TAAR5: variants seen among roughly 807,000 people sequenced by gnomAD.
TAAR5 encodes the protein trace amine-associated receptor 5.
A neutral mutation model predicts 21.1 loss-of-function variants in TAAR5; 27 were observed. The observed-to-expected ratio is 1.28, with a 90% CI of 0.94 to 1.76. The LOEUF (loss-of-function observed/expected upper bound fraction) is 1.76, where lower values mean the gene tolerates loss of function less well. TAAR5 is among the 40% of genes most tolerant of loss of function. The pLI, the probability that TAAR5 is intolerant of heterozygous loss-of-function variation, is 0.00. For missense variants in TAAR5, 495 were observed against 405.6 expected (o/e 1.22, Z -1.89); for synonymous variants, 203 against 167.5 (o/e 1.21, Z -1.64).
At chr6:132,601,946 A>G in the TAAR5 span, among the ~76,000 whole-genome samples, 1 of 152,174 alleles carries the variant, frequency 6.6e-6, no homozygotes, top group Non-Finnish European at 1.5e-5. Flanking sequence ...TTAAGGAGAG[A>G]CTTATTTTTT....
At chr6:132,602,463 T>C in the TAAR5 span, among the ~76,000 whole-genome samples, 1 of 152,128 alleles carries the variant, frequency 6.6e-6, no homozygotes, top group East Asian at 1.9e-4. Context: ...ATAGGGTTCA[T>C]GCTCCTGTGA....
In TAAR5 at chr6:132,588,802, GT is replaced by G. The variant is rs759287127; in HGVS notation, c.884del (p.Tyr295SerfsTer22). The G allele has an allele frequency of 6.2e-7, 1 of 1,614,146 alleles. No homozygotes were observed. Among genetic ancestry groups the G allele is most frequent in the Non-Finnish European group, 8.5e-7 (1 of 1,180,000 alleles). The part of the protein sequence containing the change: ...LVFDIFIWFA[Y>X]FNSACNPIIY... ...TGATGGGGTTGCAGGCTGAGTTGAA[GT>G]AAGCAAACCAGATAAAGATGTCAAA... On this transcript the variant is annotated frameshift_variant, in exon 1 of 1. Transcript: ENST00000258034. LOFTEE classifies it high-confidence loss of function.
rs1249028648 is a variant in TAAR5, at chr6:132,588,780, T to C, written c.907A>G (p.Ile303Val). ...CACTGGTAGGAAAAGACATAGATGA[T>C]GGGGTTGCAGGCTGAGTTGAAGTAA... is the stretch of plus-strand genomic sequence containing the variant. ...FAYFNSACNP[I>V]IYVFSYQWFR... Residue 303 changes from isoleucine (I) to valine (V), a missense_variant, in exon 1 of 1, where the codon ATC becomes GTC. Transcript: ENST00000258034. The C allele has an allele frequency of 4.3e-6, 7 of 1,614,000 alleles. No individual in the cohort carries two copies. Among genetic ancestry groups the C allele is most frequent in the Admixed American group, 1.7e-5 (1 of 59,992 alleles).
At chr6:132,611,791 T>A in the TAAR5 span, among the ~76,000 whole-genome samples, 1 of 152,198 alleles carries the variant, frequency 6.6e-6, no homozygotes, top group African/African-American at 2.4e-5. Context: ...GGGAAAAGAA[T>A]GTCACACAGA....
the TAAR5 span, among the ~76,000 whole-genome samples, chr6:132,596,783 A>T: frequency 5.3e-5 from 8 of 152,330 alleles, no homozygotes; most frequent in African/African-American, 1.9e-4. Context: ...GCAGACTAGC[A>T]ATCAGAATAC....
chr6:132,607,290 C>T, the TAAR5 span, among the ~76,000 whole-genome samples: 10 of 152,098 alleles, frequency 6.6e-5, no homozygotes, highest in African/African-American at 2.4e-4. Flanking sequence ...CTTCTCCCTC[C>T]TACAACATAA....
the TAAR5 span, among the ~76,000 whole-genome samples, chr6:132,599,327 T>TC: frequency 2.7e-5 from 1 of 37,684 alleles, no homozygotes; most frequent in Non-Finnish European, 5.2e-5. Flanking sequence ...TCTTTTCTTT[T>TC]TTTTTTTTTT....
chr6:132,614,614 G>A, the TAAR5 span, among the ~76,000 whole-genome samples: 11 of 152,150 alleles, frequency 7.2e-5, no homozygotes, highest in Non-Finnish European at 1.5e-4. Context: ...ATCAATGACC[G>A]TCCTCTTGTG....
the TAAR5 span, among the ~76,000 whole-genome samples, chr6:132,596,390 G>A: frequency 3.3e-5 from 5 of 152,230 alleles, no homozygotes; most frequent in African/African-American, 4.8e-5. Flanking sequence ...TGACGAATGC[G>A]ATCTAAGGCC....
the TAAR5 span, among the ~76,000 whole-genome samples, chr6:132,612,218 A>G: frequency 1.3e-5 from 2 of 152,200 alleles, no homozygotes; most frequent in Non-Finnish European, 2.9e-5. Flanking sequence ...TAACTTGTCT[A>G]TCCATCACCA....
the TAAR5 span, among the ~76,000 whole-genome samples, chr6:132,607,567 G>A: frequency 6.6e-6 from 1 of 152,146 alleles, no homozygotes; most frequent in Admixed American, 6.6e-5. Flanking sequence ...GACATACCAA[G>A]CAGATTAAGA....
chr6:132,600,983 AGG>A, the TAAR5 span, among the ~76,000 whole-genome samples: 8 of 117,476 alleles, frequency 6.8e-5, no homozygotes, highest in South Asian at 3.4e-4. Flanking sequence ...GAGGGAAAGA[AGG>A]AAGGAAGGAG....
chr6:132,616,198 C>A, the TAAR5 span, among the ~76,000 whole-genome samples: 1 of 152,078 alleles, frequency 6.6e-6, no homozygotes, highest in Non-Finnish European at 1.5e-5. Flanking sequence ...CTTTTTAGAG[C>A]CCAGTGTTGA....
At chr6:132,607,163 C>T in the TAAR5 span, among the ~76,000 whole-genome samples, 1 of 152,034 alleles carries the variant, frequency 6.6e-6, no homozygotes, top group African/African-American at 2.4e-5. Flanking sequence ...CCACTGGACT[C>T]CAGCCCGGGT....
chr6:132,588,734 A>C lies in TAAR5; in HGVS notation c.953T>G (p.Leu318Arg), dbSNP rs769926489. The C allele has an allele frequency of 6.2e-7, 1 of 1,614,010 alleles. No individual in the cohort carries two copies. The highest frequency in any genetic ancestry group is 1.1e-5 in the South Asian group (1 of 91,080). The stretch of plus-strand genomic sequence containing the variant: ...TGAGAAGACCTTCTGGCTCAGTGTG[A>C]GTTTCAGTGCCTTCCGAAACCACTG... ...SYQWFRKALKLTLSQKVFSPQ... is the reference protein window; with the variant it reads ...SYQWFRKALKRTLSQKVFSPQ... The change falls in exon 1 of 1, where the codon CTC becomes CGC. Residue 318 changes from leucine (L) to arginine (R), a missense_variant. Transcript: ENST00000258034.
chr6:132,589,470 G>A lies in TAAR5; in HGVS notation c.217C>T (p.Leu73=). Residue 73 remains leucine, a synonymous_variant, in exon 1 of 1, where the codon CTG becomes TTG. Transcript: ENST00000258034. ...KALHTPTNFL[L]LSLALADMFL... Reference sequence around the variant, plus strand: ...ATGTCAGCCAGGGCCAGGGAGAGCAGCAGGAAGTTGGTGGGCGTGTGAAGC... The same window carrying A: ...ATGTCAGCCAGGGCCAGGGAGAGCAACAGGAAGTTGGTGGGCGTGTGAAGC... 1.9e-6 allele frequency: 3 copies of A among 1,613,872 alleles called. No individual in the cohort carries two copies. The South Asian group carries it at 3.3e-5, about 18-fold the overall frequency.
At chr6:132,601,047 A>G in the TAAR5 span, among the ~76,000 whole-genome samples, 1 of 140,070 alleles carries the variant, frequency 7.1e-6, no homozygotes, top group African/African-American at 2.5e-5. Context: ...GAAAGAAGGA[A>G]GGAGGGAAGG....
Position 132,588,885 on chromosome 6 carries a change from A to G in TAAR5, c.802T>C (p.Phe268Leu), listed in dbSNP as rs774285551. 6.2e-7 allele frequency: 1 copy of G among 1,614,118 alleles called. No homozygotes were observed. Among genetic ancestry groups the G allele is most frequent in the Non-Finnish European group, 8.5e-7 (1 of 1,179,988 alleles). The change falls in exon 1 of 1, where the codon TTC (phenylalanine) becomes CTC (leucine). Residue 268 changes from phenylalanine to leucine, a missense_variant. Physicochemically the swap from Phe to Leu is conservative, Grantham distance 22. Coordinates refer to ENST00000258034, the MANE Select transcript of TAAR5 (RefSeq NM_003967.3). ...VGIYLLCWLPFTIDTMVDSLL... is the reference protein window; with the variant it reads ...VGIYLLCWLPLTIDTMVDSLL... Reference sequence around the variant, plus strand: ...CTGTCGACCATCGTGTCTATGGTGAAGGGCAGCCAGCACAAGAGGTATATG... The same window carrying G: ...CTGTCGACCATCGTGTCTATGGTGAGGGGCAGCCAGCACAAGAGGTATATG...
the TAAR5 span, chr6:132,608,518 G>A: frequency 2.2e-6 from 1 of 455,040 alleles, no homozygotes; most frequent in Non-Finnish European, 4.4e-6. Flanking sequence ...TGTCTTCGCT[G>A]CTTTCCTGTC....
Sources: gnomAD v4.1 joint callset for allele counts (sites outside exome capture counted in the v4.1 genomes callset) on GRCh38, gnomAD v4.1.1 for gene constraint, MANE v1.5 for transcripts, NCBI Gene and HGNC (gene_info 2026-07-23, HGNC 2026-07-21) for gene names.